CYP2C8: variants seen among roughly 807,000 people sequenced by gnomAD.
CYP2C8 encodes the protein cytochrome P450 family 2 subfamily C member 8.
In CYP2C8, 51 loss-of-function variants were observed where a neutral mutation model predicts 41.3. The observed-to-expected ratio is 1.24, with a 90% CI of 0.99 to 1.56. CYP2C8 has a LOEUF of 1.56. Among genes scored for constraint, CYP2C8 ranks in the 40% most tolerant of loss-of-function variants. CYP2C8 has a pLI of 0.00. For synonymous variants in CYP2C8, 218 were observed against 205.8 expected (o/e 1.06, Z -0.51); for missense variants, 651 against 579.9 (o/e 1.12, Z -1.26).
intron 4 of CYP2C8, among the ~76,000 whole-genome samples, chr10:95,064,410 G>C (rs1366213375): frequency 6.6e-6 from 1 of 152,178 alleles, no homozygotes; most frequent in African/African-American, 2.4e-5. Context: ...GGCTTCGTGG[G>C]CATGGGACCC....
Position 95,069,251 on chromosome 10 carries a change from C to CT in CYP2C8, c.151_152insA (p.Cys51Ter), listed in dbSNP as rs776194558. Residue 51 changes from cysteine (C) to a stop codon, truncating the protein, a stop_gained and frameshift_variant, in exon 1 of 9, where the codon TGC becomes TAGC. Coordinates refer to ENST00000371270, the MANE Select transcript of CYP2C8 (RefSeq NM_000770.3). LOFTEE classifies it high-confidence loss of function. ...CAGACTTACATTGGTGAAAGATTTGCAGATGTCCTTAACATCTATCTGTAG... is the reference window on the plus strand; with the variant it reads ...CAGACTTACATTGGTGAAAGATTTGCTAGATGTCCTTAACATCTATCTGTAG... ...NMLQIDVKDI[C>*]KSFTNFSKVY... The CT allele has an allele frequency of 4.3e-6, 7 of 1,613,912 alleles. No individual in the cohort carries two copies. In the Admixed American group the frequency reaches 1.2e-4, roughly 27 times the overall value.
intron 5 of CYP2C8, among the ~76,000 whole-genome samples, chr10:95,049,763 A>AGCAG (rs1312906744): frequency 6.6e-6 from 1 of 152,082 alleles, no homozygotes; most frequent in African/African-American, 2.4e-5. Flanking sequence ...CTACTGAGAC[A>AGCAG]GCAGCTGGGG....
intron 4 of CYP2C8, among the ~76,000 whole-genome samples, chr10:95,064,380 G>A (rs769726540): frequency 5.3e-5 from 8 of 152,194 alleles, no homozygotes; most frequent in Non-Finnish European, 1.0e-4. Flanking sequence ...ATCTCAGACT[G>A]CTGTGCTGGC....
At chr10:95,038,086 A>T (rs1434879656) in intron 8 of CYP2C8, among the ~76,000 whole-genome samples, 1 of 152,242 alleles carries the variant, frequency 6.6e-6, no homozygotes, top group African/African-American at 2.4e-5. Flanking sequence ...TAAAGCAGAC[A>T]TAAAAGATCA....
At chr10:95,055,002 TATAATA>T (rs964794201) in intron 5 of CYP2C8, among the ~76,000 whole-genome samples, 2 of 151,782 alleles carry the variant, frequency 1.3e-5, no homozygotes, top group South Asian at 4.1e-4. Context: ...AAACTTAAAG[TATAATA>T]ATAATAATAA....
rs745807384 is a variant in CYP2C8 at position 95,067,481 on chromosome 10, C to G, written c.331+48G>C. 3 of 1,613,176 alleles carry G rather than the reference C, an allele frequency of 1.9e-6. No homozygotes were observed. In the Admixed American group the frequency reaches 5.0e-5, roughly 27 times the overall value. On this transcript the variant is annotated intron_variant, in intron 2 of 8. Coordinates refer to ENST00000371270, the MANE Select transcript of CYP2C8 (RefSeq NM_000770.3). ...AGCTTTTTAGGGCTCTGTTTTCCAT[C>G]CCCCTCACCCCAGTTACCAAAGCTG...
chr10:95,045,639 A>G (rs1399147279), intron 6 of CYP2C8, among the ~76,000 whole-genome samples, 171 bp downstream of exon 6: 2 of 152,190 alleles, frequency 1.3e-5, no homozygotes, highest in East Asian at 1.9e-4. Flanking sequence ...ATCCTCCTCC[A>G]TTGTACAAAG....
At chr10:95,051,352 A>G (rs2033212082) in intron 5 of CYP2C8, among the ~76,000 whole-genome samples, 1 of 152,156 alleles carries the variant, frequency 6.6e-6, no homozygotes, top group Non-Finnish European at 1.5e-5. Context: ...AAGCACACCT[A>G]CAGGATCTAG....
At chr10:95,048,897 T>G (rs1372228729) in intron 5 of CYP2C8, among the ~76,000 whole-genome samples, 1 of 152,164 alleles carries the variant, frequency 6.6e-6, no homozygotes, top group Admixed American at 6.5e-5. Context: ...AAAACTCTTC[T>G]GAGCATTGGT....
chr10:95,064,814 A>T lies in CYP2C8; in HGVS notation c.628T>A (p.Ser210Thr), dbSNP rs1389733689. The change falls in exon 4 of 9, where the codon TCC becomes ACC. Residue 210 changes from serine (S) to threonine (T), a missense_variant. Coordinates refer to ENST00000371270, the MANE Select transcript of CYP2C8 (RefSeq NM_000770.3). ...CTTGGCCTTACCTGGATCCATGGGG[A>T]GTTCAGAATCCTGAAGTTTTCATTG... ...RFNENFRILN[S>T]PWIQVCNNFP... The T allele has an allele frequency of 6.2e-7, 1 of 1,613,842 alleles. No homozygotes were observed.
intron 3 of CYP2C8, among the ~76,000 whole-genome samples, chr10:95,066,151 AGAGT>A (rs1265007427): frequency 1.2e-3 from 103 of 82,768 alleles, no homozygotes; most frequent in East Asian, 2.3e-3. Flanking sequence ...AGAGAGAGAG[AGAGT>A]GTGTGTGTGT....
intron 5 of CYP2C8, among the ~76,000 whole-genome samples, chr10:95,055,454 C>T (rs904082034): frequency 2.6e-5 from 4 of 152,162 alleles, no homozygotes; most frequent in Non-Finnish European, 5.9e-5. Context: ...GAACCCCTAT[C>T]TCACTCTTAT....
chr10:95,068,427 C>T (rs1400499188), intron 1 of CYP2C8: 2 of 406,424 alleles, frequency 4.9e-6, no homozygotes, highest in Admixed American at 3.4e-5. Flanking sequence ...TGACTGATTA[C>T]TTCTTTCTTT....
At chr10:95,037,645 G>A (rs2032913267) in intron 8 of CYP2C8, among the ~76,000 whole-genome samples, 2 of 152,082 alleles carry the variant, frequency 1.3e-5, no homozygotes, top group East Asian at 3.9e-4. Flanking sequence ...GCCATTTTGA[G>A]TTTCCATCTG....
chr10:95,048,811 C>G (rs1373064863), intron 5 of CYP2C8, among the ~76,000 whole-genome samples: 2 of 152,036 alleles, frequency 1.3e-5, no homozygotes, highest in Non-Finnish European at 2.9e-5. Flanking sequence ...TCACCACATA[C>G]AAAAATTAAC....
At chr10:95,066,762 G>C (rs533403456) in intron 3 of CYP2C8, among the ~76,000 whole-genome samples, 1 of 152,258 alleles carries the variant, frequency 6.6e-6, no homozygotes, top group East Asian at 1.9e-4. Context: ...CGAATTAAAT[G>C]AAAGCACATA....
At chr10:95,065,787 T>A (rs1237698135) in intron 3 of CYP2C8, among the ~76,000 whole-genome samples, 1 of 152,216 alleles carries the variant, frequency 6.6e-6, no homozygotes, top group Non-Finnish European at 1.5e-5. Flanking sequence ...AGTTTTAAAT[T>A]TGACCATAAG....
intron 4 of CYP2C8, among the ~76,000 whole-genome samples, chr10:95,058,857 T>C (rs1332067422): frequency 2.6e-5 from 4 of 152,070 alleles, no homozygotes. Flanking sequence ...AGTGTTCTCA[T>C]TGTTCAATTC....
At chr10:95,059,198 A>G (rs944313644) in intron 4 of CYP2C8, among the ~76,000 whole-genome samples, 1 of 152,210 alleles carries the variant, frequency 6.6e-6, no homozygotes, top group African/African-American at 2.4e-5. Flanking sequence ...TTCTAGTTCT[A>G]GATCCCTGAG....
Sources: gnomAD v4.1 joint callset for allele counts (sites outside exome capture counted in the v4.1 genomes callset) on GRCh38, gnomAD v4.1.1 for gene constraint, MANE v1.5 for transcripts, NCBI Gene and HGNC (gene_info 2026-07-23, HGNC 2026-07-21) for gene names.